Variants in FNIP1 observed in about 807,000 individuals in gnomAD.
FNIP1 encodes folliculin interacting protein 1.
In FNIP1, 40 loss-of-function variants were observed where a neutral mutation model predicts 124.5. The ratio of observed to expected loss-of-function variants is 0.32; its 90% CI spans 0.25 to 0.42. The LOEUF (loss-of-function observed/expected upper bound fraction) is 0.42. Ranked by LOEUF, FNIP1 falls within the 10% of genes least tolerant of loss-of-function variation. The pLI, the probability that FNIP1 is intolerant of heterozygous loss-of-function variation, is 1.00. For synonymous variants in FNIP1, 472 were observed against 470.6 expected (o/e 1.00, Z -0.04); for missense variants, 1,176 against 1,403.7 (o/e 0.84, Z 2.59).
intron 13 of FNIP1, 118 bp from the exon 14 acceptor site, chr5:131,673,042 C>A: frequency 1.4e-6 from 1 of 691,272 alleles, no homozygotes; most frequent in Non-Finnish European, 2.2e-6. Context: ...AGGTTTTACT[C>A]GTTTTTTTGT....
At chr5:131,706,259 C>T in intron 9 of FNIP1, 152 bp downstream of exon 9, 1 of 859,170 alleles carries the variant, frequency 1.2e-6, no homozygotes, top group East Asian at 2.9e-5. Flanking sequence ...TTATGTATAA[C>T]TTACCACAAT....
intron 1 of FNIP1, among the ~76,000 whole-genome samples, chr5:131,754,680 G>A (rs1229921803): frequency 6.6e-6 from 1 of 152,250 alleles, no homozygotes; most frequent in East Asian, 1.9e-4. Flanking sequence ...ATGAAGGCAG[G>A]CTGGAGCATC....
Position 131,672,530 on chromosome 5 carries a change from CT to C in FNIP1, c.1913del (p.Lys638ArgfsTer4). 1.2e-6 allele frequency: 2 copies of C among 1,613,882 alleles called. No individual in the cohort carries two copies. Among genetic ancestry groups the C allele is most frequent in the Non-Finnish European group, 1.7e-6 (2 of 1,180,028 alleles). ...QEREDIQNSS[K>X]ELLGISDECQ... ...ACTCATCTGAAATTCCTAGCAGCTCCTTAGAGCTGTTTTGAATATCTTCTCT... is the reference window on the plus strand; with the variant it reads ...ACTCATCTGAAATTCCTAGCAGCTCCTAGAGCTGTTTTGAATATCTTCTCT... On this transcript the variant is annotated frameshift_variant, in exon 14 of 18. Coordinates refer to ENST00000510461, the MANE Select transcript of FNIP1 (RefSeq NM_133372.3). LOFTEE classifies it high-confidence loss of function.
intron 1 of FNIP1, among the ~76,000 whole-genome samples, chr5:131,745,979 AATGACTATGTTCTCTGT>A: frequency 6.6e-6 from 1 of 152,354 alleles, no homozygotes; most frequent in East Asian, 1.9e-4. Flanking sequence ...GAACTGGCGC[AATGACTATGTTCTCTGT>A]TTTGACCAGA....
intron 11 of FNIP1, among the ~76,000 whole-genome samples, chr5:131,680,303 A>G (rs941230892): frequency 6.6e-6 from 1 of 152,204 alleles, no homozygotes; most frequent in African/African-American, 2.4e-5. Flanking sequence ...TGCCTCTACA[A>G]ATTTTGTTGA....
Position 131,651,930 on chromosome 5 carries a change from G to C in FNIP1, c.3178C>G (p.Gln1060Glu). Residue 1060 changes from glutamine to glutamate, a missense_variant, in exon 16 of 18, where the codon CAA (glutamine) becomes GAA (glutamate). Transcript: ENST00000510461. ...IIADMDKWTVQVASSQRRVTD... is the reference protein window; with the variant it reads ...IIADMDKWTVEVASSQRRVTD... ...ACTCGTCTCTGGCTACTGGCCACTT[G>C]AACAGTCCATTTATCCATGTCAGCT... 2 of 1,614,040 alleles carry C rather than the reference G, an allele frequency of 1.2e-6. No homozygotes were observed. The highest frequency in any genetic ancestry group is 1.7e-6 in the Non-Finnish European group (2 of 1,180,008).
At chr5:131,767,650 T>C (rs1263155950) in intron 1 of FNIP1, among the ~76,000 whole-genome samples, 2 of 152,054 alleles carry the variant, frequency 1.3e-5, no homozygotes, top group Admixed American at 1.3e-4. Context: ...CTTCAACCAC[T>C]TTGCTAAACA....
intron 1 of FNIP1, among the ~76,000 whole-genome samples, chr5:131,771,842 GT>G (rs1282443589): frequency 1.3e-5 from 2 of 152,006 alleles, no homozygotes; most frequent in Non-Finnish European, 2.9e-5. Context: ...ATGAAAAACA[GT>G]CCTAAGCACA....
At chr5:131,664,770 A>G (rs1446611585) in intron 15 of FNIP1, among the ~76,000 whole-genome samples, 1 of 151,550 alleles carries the variant, frequency 6.6e-6, no homozygotes, top group Non-Finnish European at 1.5e-5. Context: ...TCTTACATTA[A>G]CTATTATGTA....
Position 131,652,004 on chromosome 5 carries a change from A to G in FNIP1, c.3109-5T>C, listed in dbSNP as rs891043524. 1.2e-6 allele frequency: 2 copies of G among 1,608,906 alleles called. No homozygotes were observed. The highest frequency in any genetic ancestry group is 2.2e-5 in the East Asian group (1 of 44,810). ...TGGTTCATCCAAAACTGGATGCTGG[A>G]AATAAAAGAATAATTCATCTTATGT... On this transcript the variant is annotated splice_polypyrimidine_tract_variant and splice_region_variant and intron_variant, in intron 15 of 17. Transcript: ENST00000510461.
In FNIP1 at chr5:131,651,144, C is replaced by G. The variant is rs1480101489; in HGVS notation, c.3306+658G>C. Among the ~76,000 whole-genome samples the G allele has an allele frequency of 2.0e-5, 3 of 151,474 alleles. No individual in the cohort carries two copies. The East Asian group carries it at 5.8e-4, about 29-fold the overall frequency. On this transcript the variant is annotated intron_variant, in intron 16 of 17. Coordinates refer to ENST00000510461, the MANE Select transcript of FNIP1 (RefSeq NM_133372.3). ...GTGGCTCATGCCTGTAATCTCAGCA[C>G]TTTGGGAGGCTGGGGCAGGAGGAAC...
chr5:131,682,195 C>T lies in FNIP1; in HGVS notation c.1203-3020G>A, dbSNP rs182829907. Among the ~76,000 whole-genome samples the T allele has an allele frequency of 3.8e-3, 580 of 152,250 alleles. 2 individuals carry two copies. The highest frequency in any genetic ancestry group is 0.014 in the South Asian group (68 of 4,828). ...AAGACTTTTTCATGAGTTTCTTCAG[C>T]ATATTACCGTCTACTATAAGTCCAT... On this transcript the variant is annotated intron_variant, in intron 11 of 17. Transcript: ENST00000510461.
At chr5:131,650,840 T>C (rs907280069) in intron 16 of FNIP1, among the ~76,000 whole-genome samples, 5 of 152,186 alleles carry the variant, frequency 3.3e-5, no homozygotes, top group South Asian at 4.1e-4. Context: ...AGAAAGAACC[T>C]TGAAAGTTGG....
intron 1 of FNIP1, among the ~76,000 whole-genome samples, chr5:131,756,150 A>G (rs1390828535): frequency 6.6e-6 from 1 of 152,218 alleles, no homozygotes; most frequent in Non-Finnish European, 1.5e-5. Flanking sequence ...TTGCTGGAAC[A>G]GTTTCAGTGG....
At chr5:131,766,883 T>C (rs1330670375) in intron 1 of FNIP1, among the ~76,000 whole-genome samples, 2 of 152,110 alleles carry the variant, frequency 1.3e-5, no homozygotes, top group Admixed American at 6.5e-5. Flanking sequence ...TCTGCCTTTT[T>C]TTTGTTCTGT....
chr5:131,729,886 C>T (rs1285219861), intron 3 of FNIP1, among the ~76,000 whole-genome samples: 1 of 152,132 alleles, frequency 6.6e-6, no homozygotes, highest in Non-Finnish European at 1.5e-5. Context: ...GCTGGGATTA[C>T]AGGCATGTGC....
intron 2 of FNIP1, among the ~76,000 whole-genome samples, chr5:131,739,538 GCGTGGTGGCTCACGCC>G (rs1311969619): frequency 6.6e-6 from 1 of 152,136 alleles, no homozygotes. Context: ...GTTTGGCCAG[GCGTGGTGGCTCACGCC>G]CGTAATCCCA....
At chr5:131,647,981 CA>C (rs1194283104) in intron 16 of FNIP1, among the ~76,000 whole-genome samples, 1 of 151,508 alleles carries the variant, frequency 6.6e-6, no homozygotes, top group African/African-American at 2.4e-5. Flanking sequence ...AAACAGTTTG[CA>C]AAAGTTCACA....
intron 3 of FNIP1, among the ~76,000 whole-genome samples, chr5:131,730,244 G>T (rs111999300): frequency 5.9e-5 from 9 of 152,236 alleles, no homozygotes; most frequent in African/African-American, 2.2e-4. Flanking sequence ...CACATAGCTT[G>T]TCCCATTGAT....
Sources: allele counts gnomAD v4.1 joint callset (sites outside exome capture counted in the v4.1 genomes callset), GRCh38; gene constraint gnomAD v4.1.1; transcripts MANE v1.5; gene names NCBI Gene and HGNC (gene_info 2026-07-23, HGNC 2026-07-21).